SNX29: variants seen among roughly 807,000 people sequenced by gnomAD.
SNX29 encodes the protein sorting nexin-29.
In SNX29, 78 loss-of-function variants were observed where a neutral mutation model predicts 102.1. The observed-to-expected ratio is 0.76, with a 90% CI of 0.64 to 0.92. SNX29 has a LOEUF of 0.92. SNX29 is among the 40% of genes least tolerant of loss of function. The pLI, the probability that SNX29 is intolerant of heterozygous loss-of-function variation, is 0.00. For missense variants in SNX29, 1,280 were observed against 1,061.7 expected, an observed-to-expected ratio of 1.21 and a Z score of -2.86; for synonymous variants, 580 against 414.5, an observed-to-expected ratio of 1.40 and a Z score of -4.85.
chr16:12,552,170 T>C (rs181685355), intron 20 of SNX29, among the ~76,000 whole-genome samples: 3 of 152,154 alleles, frequency 2.0e-5, no homozygotes, highest in African/African-American at 7.2e-5. Context: ...CTACTAATCC[T>C]GCAGAAAGGG....
chr16:12,558,485 A>C (rs80093769), intron 20 of SNX29, among the ~76,000 whole-genome samples: 1 of 152,214 alleles, frequency 6.6e-6, no homozygotes, highest in African/African-American at 2.4e-5. Flanking sequence ...AGTTAAGCAC[A>C]GTGCATCTTT....
intron 15 of SNX29, among the ~76,000 whole-genome samples, chr16:12,346,003 C>A (rs140889490): frequency 6.6e-6 from 1 of 152,196 alleles, no homozygotes; most frequent in African/African-American, 2.4e-5. Context: ...CCCACTCCCC[C>A]CTCCCCACCG....
intron 20 of SNX29, among the ~76,000 whole-genome samples, chr16:12,547,970 G>C (rs905500127): frequency 6.6e-6 from 1 of 152,164 alleles, no homozygotes; most frequent in African/African-American, 2.4e-5. Flanking sequence ...TCTTTTGGGA[G>C]ACAGCATGGC....
intron 15 of SNX29, among the ~76,000 whole-genome samples, chr16:12,320,382 C>G (rs1435041270): frequency 6.6e-6 from 1 of 151,922 alleles, no homozygotes; most frequent in Non-Finnish European, 1.5e-5. Context: ...ATGCCTGTGC[C>G]CAGCATGGGG....
At chr16:12,478,210 A>G (rs184266367) in intron 19 of SNX29, among the ~76,000 whole-genome samples, 2 of 152,378 alleles carry the variant, frequency 1.3e-5, no homozygotes, top group Admixed American at 6.5e-5. Flanking sequence ...GACAGTACAG[A>G]CACAAATGAG....
At chr16:12,440,081 T>C (rs1318251827) in intron 18 of SNX29, among the ~76,000 whole-genome samples, 1 of 152,182 alleles carries the variant, frequency 6.6e-6, no homozygotes, top group African/African-American at 2.4e-5. Flanking sequence ...CCCCACCGGA[T>C]TGACTCGAGA....
intron 13 of SNX29, among the ~76,000 whole-genome samples, chr16:12,194,705 C>G (rs2141928386): frequency 6.7e-6 from 1 of 149,008 alleles, no homozygotes; most frequent in East Asian, 2.1e-4. Context: ...TGGCTCAGTG[C>G]AACCTCCGCC....
intron 18 of SNX29, among the ~76,000 whole-genome samples, chr16:12,474,357 C>T (rs1279352899): frequency 6.6e-6 from 1 of 152,142 alleles, no homozygotes; most frequent in South Asian, 2.1e-4. Context: ...AATATCACGT[C>T]CTGGTCTGGA....
chr16:12,087,149 C>T (rs962691121), intron 11 of SNX29: 1 of 152,898 alleles, frequency 6.5e-6, no homozygotes, highest in East Asian at 1.9e-4. Context: ...AATCTCAGCA[C>T]TGTGGGAGGC....
rs528295395 is a variant in SNX29, at chr16:12,433,375, C to T, written c.2037+29846C>T. ...GCCGGGCGCAGTGGCTCACACTTGT[C>T]AGCCCAGCACTTTGGGAGGCTGAGG... is the stretch of plus-strand genomic sequence containing the variant. On this transcript the variant is annotated intron_variant, in intron 18 of 20. Transcript: ENST00000566228. Among the ~76,000 whole-genome samples the T allele has an allele frequency of 7.9e-5, 12 of 152,172 alleles. No individual in the cohort carries two copies. The East Asian group carries it at 2.3e-3, about 29-fold the overall frequency.
intron 15 of SNX29, among the ~76,000 whole-genome samples, chr16:12,279,292 T>A (rs370794213): frequency 6.6e-6 from 1 of 152,366 alleles, no homozygotes; most frequent in Non-Finnish European, 1.5e-5. Context: ...CTAAGTTCAT[T>A]GCTGGTGCAG....
At chr16:12,288,284 A>G (rs1232103318) in intron 15 of SNX29, among the ~76,000 whole-genome samples, 1 of 152,220 alleles carries the variant, frequency 6.6e-6, no homozygotes, top group East Asian at 1.9e-4. Context: ...TCATGGCAAC[A>G]TCCAGGAGTT....
intron 7 of SNX29, among the ~76,000 whole-genome samples, chr16:12,049,650 A>T (rs1471718833): frequency 1.3e-5 from 2 of 151,846 alleles, no homozygotes; most frequent in African/African-American, 4.8e-5. Context: ...AAAAAATTTT[A>T]ATTAAAAAAT....
At chr16:12,531,670 C>CT (rs1036754695) in intron 20 of SNX29, among the ~76,000 whole-genome samples, 1 of 152,132 alleles carries the variant, frequency 6.6e-6, no homozygotes, top group African/African-American at 2.4e-5. Context: ...AGTTTTGAGG[C>CT]TGAATATCTG....
intron 14 of SNX29, among the ~76,000 whole-genome samples, chr16:12,256,753 G>C (rs972940818): frequency 6.6e-6 from 1 of 152,168 alleles, no homozygotes; most frequent in Non-Finnish European, 1.5e-5. Flanking sequence ...TCCTGGGTAC[G>C]TGGGATTTCC....
At chr16:12,190,445 A>C (rs1395665795) in intron 13 of SNX29, among the ~76,000 whole-genome samples, 1 of 152,202 alleles carries the variant, frequency 6.6e-6, no homozygotes, top group African/African-American at 2.4e-5. Flanking sequence ...GCTTGTCTAG[A>C]ATACGCTGGG....
At chr16:12,136,333 C>T (rs2054659788) in intron 13 of SNX29, among the ~76,000 whole-genome samples, 1 of 152,218 alleles carries the variant, frequency 6.6e-6, no homozygotes, top group Non-Finnish European at 1.5e-5. Flanking sequence ...AGGGCCGTGT[C>T]CGACCCTTAC....
At chr16:12,317,965 T>C (rs1459026540) in intron 15 of SNX29, among the ~76,000 whole-genome samples, 1 of 152,216 alleles carries the variant, frequency 6.6e-6, no homozygotes, top group Non-Finnish European at 1.5e-5. Context: ...ACGCTTAGTT[T>C]GGATGGGAGT....
intron 18 of SNX29, among the ~76,000 whole-genome samples, chr16:12,473,968 C>A (rs558542752): frequency 1.3e-3 from 195 of 152,308 alleles, no homozygotes; most frequent in Non-Finnish European, 2.4e-3. Flanking sequence ...TTCTTTATTC[C>A]TTTACTTTCC....
Sources: allele counts gnomAD v4.1 joint callset (sites outside exome capture counted in the v4.1 genomes callset), GRCh38; gene constraint gnomAD v4.1.1; transcripts MANE v1.5; gene names NCBI Gene and HGNC (gene_info 2026-07-23, HGNC 2026-07-21).